The following ALG9 variants were observed in gnomAD, a reference collection of about 807,000 sequenced individuals.
ALG9 encodes ALG9 alpha-1,2-mannosyltransferase.
A neutral mutation model predicts 81.8 loss-of-function variants in ALG9; 55 were observed. The ratio of observed to expected loss-of-function variants is 0.67; its 90% CI spans 0.54 to 0.84. ALG9 has a LOEUF of 0.84. ALG9 is among the 40% of genes least tolerant of loss of function. The pLI is 0.00. For synonymous variants in ALG9, 278 were observed against 274.3 expected (o/e 1.01, Z -0.13); for missense variants, 629 against 745.0 (o/e 0.84, Z 1.81).
chr11:111,840,607 T>C, intron 10 of ALG9, 48 bp downstream of exon 10: 1 of 1,609,776 alleles, frequency 6.2e-7, no homozygotes, highest in Middle Eastern at 1.7e-4. Context: ...AGCAATTATT[T>C]AATAAGTAAA....
intron 13 of ALG9, among the ~76,000 whole-genome samples, chr11:111,826,363 T>G (rs1179391451): frequency 6.8e-6 from 1 of 147,408 alleles, no homozygotes; most frequent in Non-Finnish European, 1.5e-5. Flanking sequence ...TCAGCCTGGA[T>G]GACAAAATAA....
downstream of ALG9, among the ~76,000 whole-genome samples, chr11:111,779,928 A>G (rs1322791424): frequency 6.6e-6 from 1 of 152,168 alleles, no homozygotes; most frequent in African/African-American, 2.4e-5. Context: ...AATTTCCTAC[A>G]TTATATTTCT....
intron 13 of ALG9, among the ~76,000 whole-genome samples, chr11:111,820,823 C>T (rs1952212388): frequency 6.7e-6 from 1 of 150,356 alleles, no homozygotes; most frequent in African/African-American, 2.5e-5. Flanking sequence ...TGGCTCACAC[C>T]TGTAATCCTT....
At chr11:111,811,878 T>G (rs1451516900) in intron 13 of ALG9, among the ~76,000 whole-genome samples, 1 of 152,020 alleles carries the variant, frequency 6.6e-6, no homozygotes. Flanking sequence ...TGGGTTTTTT[T>G]GGGGGGGAGG....
chr11:111,827,925 C>T (rs191975643), intron 13 of ALG9, among the ~76,000 whole-genome samples: 18 of 149,562 alleles, frequency 1.2e-4, no homozygotes, highest in African/African-American at 3.7e-4. Flanking sequence ...TGGTGGCTCA[C>T]GTTTGTAATC....
chr11:111,869,086 C>T (rs1963444664), intron 2 of ALG9, among the ~76,000 whole-genome samples: 1 of 152,146 alleles, frequency 6.6e-6, no homozygotes, highest in Non-Finnish European at 1.5e-5. Context: ...CATGCCACTG[C>T]ACTCCAGCCT....
chr11:111,836,016 TG>T, intron 13 of ALG9, 148 bp downstream of exon 13: 1 of 998,626 alleles, frequency 1.0e-6, no homozygotes, highest in Non-Finnish European at 1.5e-6. Context: ...CCCAAAGTGC[TG>T]GGATTACAGG....
chr11:111,871,136 G>C, intron 1 of ALG9: 1 of 1,264,196 alleles, frequency 7.9e-7, no homozygotes, highest in Non-Finnish European at 9.9e-7. Flanking sequence ...GCACTCCAAG[G>C]CAGTTTTACA....
chr11:111,806,191 A>G (rs1949906522), intron 14 of ALG9, among the ~76,000 whole-genome samples: 1 of 151,976 alleles, frequency 6.6e-6, no homozygotes, highest in African/African-American at 2.4e-5. Context: ...AAGATAAAAA[A>G]TCTCTAGTTA....
At chr11:111,869,994 T>G (rs1158639453) in intron 2 of ALG9, among the ~76,000 whole-genome samples, 1 of 152,082 alleles carries the variant, frequency 6.6e-6, no homozygotes, top group Non-Finnish European at 1.5e-5. Context: ...GTATTTTTAG[T>G]AGAGTCGGGG....
At chr11:111,826,899 T>C (rs1364544439) in intron 13 of ALG9, among the ~76,000 whole-genome samples, 1 of 152,194 alleles carries the variant, frequency 6.6e-6, no homozygotes, top group Admixed American at 6.5e-5. Flanking sequence ...TTGTTTTTGA[T>C]TTGTTTTGTA....
chr11:111,816,328 T>C (rs1232260463), intron 13 of ALG9, among the ~76,000 whole-genome samples: 1 of 152,240 alleles, frequency 6.6e-6, no homozygotes, highest in Admixed American at 6.5e-5. Flanking sequence ...TTCTTTTCTT[T>C]TGCTCACTGC....
chr11:111,839,119 G>A (rs562622236), intron 10 of ALG9, among the ~76,000 whole-genome samples: 13 of 152,030 alleles, frequency 8.6e-5, no homozygotes, highest in African/African-American at 2.2e-4. Context: ...GCATAATACT[G>A]AATAAATGAG....
chr11:111,866,343 G>A (rs1489707448), intron 3 of ALG9, among the ~76,000 whole-genome samples: 2 of 152,116 alleles, frequency 1.3e-5, no homozygotes, highest in Non-Finnish European at 2.9e-5. Context: ...TCACTCCTGA[G>A]TGTACACTTC....
chr11:111,870,137 G>T, intron 2 of ALG9, 95 bp downstream of exon 2: 3 of 1,277,700 alleles, frequency 2.3e-6, no homozygotes, highest in Non-Finnish European at 3.2e-6. Flanking sequence ...TATTTTACTA[G>T]GAGTCACACT....
intron 13 of ALG9, among the ~76,000 whole-genome samples, chr11:111,824,663 G>C (rs1256244292): frequency 6.6e-6 from 1 of 152,174 alleles, no homozygotes; most frequent in African/African-American, 2.4e-5. Context: ...TGCTTAATCA[G>C]TTAGTTTGCA....
intron 8 of ALG9, among the ~76,000 whole-genome samples, chr11:111,850,974 A>G (rs1329012878): frequency 6.6e-6 from 1 of 152,134 alleles, no homozygotes; most frequent in African/African-American, 2.4e-5. Context: ...GTAGGCAGAA[A>G]GAAGTCCCAA....
At chr11:111,829,038 C>CTAAAG (rs1160104029) in intron 13 of ALG9, 4 of 152,106 alleles carry the variant, frequency 2.6e-5, no homozygotes, top group African/African-American at 9.7e-5. Flanking sequence ...GGTCTAAAAG[C>CTAAAG]TAAAGTAACA....
chr11:111,867,254 T>C (rs1315330017), intron 3 of ALG9, among the ~76,000 whole-genome samples: 1 of 152,238 alleles, frequency 6.6e-6, no homozygotes, highest in Non-Finnish European at 1.5e-5. Context: ...AACCTTGCAG[T>C]GGCTTTACAT....
Sources: gnomAD v4.1 joint callset for allele counts (sites outside exome capture counted in the v4.1 genomes callset) on GRCh38, gnomAD v4.1.1 for gene constraint, MANE v1.5 for transcripts, NCBI Gene and HGNC (gene_info 2026-07-23, HGNC 2026-07-21) for gene names.